The following GOLGA8S variants were observed in gnomAD, a reference collection of about 807,000 sequenced individuals.
GOLGA8S encodes the protein golgin A8 family member S, also known as golgin subfamily A member 8S.
GOLGA8S carries 23 observed loss-of-function variants against 58.9 expected under a neutral mutation model. The observed-to-expected ratio is 0.39, with a 90% CI of 0.28 to 0.55. The LOEUF is 0.55. Ranked by LOEUF, GOLGA8S falls within the 20% of genes least tolerant of loss-of-function variation. The pLI is 0.63. For synonymous variants in GOLGA8S, 84 were observed against 195.7 expected (o/e 0.43, Z 4.76); for missense variants, 266 against 514.2 (o/e 0.52, Z 4.67).
chr15:23,364,574 G>A (rs3826014), exon 17 of GOLGA8S: 142,362 of 1,355,696 alleles, frequency 0.11, 15,377 homozygotes, highest in Middle Eastern at 0.13. Flanking sequence ...CCAAAGATGC[G>A]GCACTGGGAG....
At position 23,361,170 on chromosome 15, in the gene GOLGA8S, T is replaced by C. The variant is rs1596016707; in HGVS notation, c.875-51T>C. 1.3e-5 allele frequency: 4 copies of C among 296,922 alleles called. 1 individual carries two copies. The highest frequency in any genetic ancestry group is 1.3e-4 in the East Asian group (1 of 7,458). 18.4% of individuals were successfully genotyped at this position (296,922 alleles called of 1,614,324 possible). A position where few individuals can be genotyped will look rare whatever the true frequency, so the allele number is the denominator to read the frequency against. ...TTTTCTTTTCTTTTCTTTTCTTTTC[T>C]TTTTTTTTTTTTGGAATCCAGAGGC... is the stretch of plus-strand genomic sequence containing the variant. On this transcript the variant is annotated intron_variant, in intron 11 of 18. Transcript: ENST00000562295.
At chr15:23,365,175 T>C, downstream of GOLGA8S, 1 of 1,576,726 alleles carries the variant, frequency 6.3e-7, no homozygotes. Context: ...AATTTTTAAA[T>C]AAGAAACCAA....
At chr15:23,367,744 C>T (rs952595518), downstream of GOLGA8S, among the ~76,000 whole-genome samples, 2 of 151,746 alleles carry the variant, frequency 1.3e-5, no homozygotes, top group Non-Finnish European at 2.9e-5. Context: ...GCTTAGAAGG[C>T]AACATTGGAA....
chr15:23,364,558 G>C (rs1263425952), exon 17 of GOLGA8S: 2 of 1,588,434 alleles, frequency 1.3e-6, no homozygotes, highest in Non-Finnish European at 8.6e-7. Flanking sequence ...GAACCAGGGG[G>C]CCGTGCCAAA....
exon 16 of GOLGA8S, chr15:23,364,407 T>C (rs749119407): frequency 2.5e-6 from 4 of 1,604,406 alleles, no homozygotes; most frequent in Non-Finnish European, 3.4e-6. Context: ...AAACAAGAAC[T>C]TCGCTTCATT....
intron 1 of GOLGA8S, among the ~76,000 whole-genome samples, chr15:23,356,205 C>A (rs1282827290): frequency 6.9e-6 from 1 of 145,282 alleles, no homozygotes; most frequent in Non-Finnish European, 1.6e-5. Context: ...TTGAGAGGTA[C>A]AGGTGCACTT....
chr15:23,358,284 C>A (rs1227318983), intron 4 of GOLGA8S, among the ~76,000 whole-genome samples, 188 bp from the exon 5 acceptor site: 4 of 152,274 alleles, frequency 2.6e-5, no homozygotes, highest in Non-Finnish European at 5.9e-5. Context: ...TGGCTGTGGG[C>A]AAAAGCCAAC....
chr15:23,358,294 C>A (rs2069720026), intron 4 of GOLGA8S, among the ~76,000 whole-genome samples, 178 bp from the exon 5 acceptor site: 1 of 152,416 alleles, frequency 6.6e-6, no homozygotes, highest in Non-Finnish European at 1.5e-5. Flanking sequence ...CAAAAGCCAA[C>A]AAAGACCCAA....
intron 13 of GOLGA8S, among the ~76,000 whole-genome samples, chr15:23,362,714 G>C (rs1315420790): frequency 7.0e-6 from 1 of 142,690 alleles, no homozygotes; most frequent in East Asian, 2.0e-4. Context: ...ACTTAGGCCT[G>C]AAGTAAGGGG....
intron 8 of GOLGA8S, among the ~76,000 whole-genome samples, chr15:23,359,455 T>C (rs1488092948): frequency 2.0e-5 from 3 of 146,590 alleles, no homozygotes; most frequent in African/African-American, 5.1e-5. Context: ...GCCATGCCTT[T>C]ACCTGGCTGT....
At chr15:23,358,033 G>T (rs2141021989) in intron 4 of GOLGA8S, among the ~76,000 whole-genome samples, 2 of 150,914 alleles carry the variant, frequency 1.3e-5, no homozygotes, top group Non-Finnish European at 3.0e-5. Flanking sequence ...TCTCGAGTCT[G>T]AGATTTAAAG....
intron 13 of GOLGA8S, among the ~76,000 whole-genome samples, chr15:23,362,029 GC>G (rs922212835): frequency 4.3e-5 from 6 of 140,322 alleles, no homozygotes; most frequent in African/African-American, 1.4e-4. Flanking sequence ...GAGACATGGA[GC>G]CCCCCCAATC....
chr15:23,360,625 C>A, intron 10 of GOLGA8S, 93 bp downstream of exon 10: 1 of 1,263,624 alleles, frequency 7.9e-7, no homozygotes, highest in East Asian at 2.3e-5. Flanking sequence ...CAGAGGTGGT[C>A]ATGGGACTGG....
At chr15:23,361,623 T>A in intron 12 of GOLGA8S, 101 bp from the exon 13 acceptor site, 1 of 613,678 alleles carries the variant, frequency 1.6e-6, no homozygotes. Context: ...GGATGATTTT[T>A]CTAACCTGCC....
chr15:23,367,788 A>C (rs1315721054), downstream of GOLGA8S, among the ~76,000 whole-genome samples: 5 of 152,052 alleles, frequency 3.3e-5, no homozygotes, highest in South Asian at 4.2e-4. Context: ...GAATTTTAAA[A>C]TGTGAGTTCC....
At chr15:23,361,977 GC>G (rs1350609143) in intron 13 of GOLGA8S, among the ~76,000 whole-genome samples, 185 bp downstream of exon 13, 1 of 144,714 alleles carries the variant, frequency 6.9e-6, no homozygotes, top group African/African-American at 2.6e-5. Context: ...GAGGTGGGTA[GC>G]CCTGGGCTCC....
At chr15:23,367,873 A>T (rs1347974790), downstream of GOLGA8S, among the ~76,000 whole-genome samples, 2 of 151,916 alleles carry the variant, frequency 1.3e-5, no homozygotes, top group African/African-American at 2.4e-5. Flanking sequence ...TAATCATTTT[A>T]AAAGTATTTG....
downstream of GOLGA8S, chr15:23,366,081 C>T (rs1172651984): frequency 2.6e-5 from 4 of 151,186 alleles, no homozygotes; most frequent in African/African-American, 9.7e-5. Flanking sequence ...AATCACATGA[C>T]TACATGTCCC....
In GOLGA8S at chr15:23,358,076, C is replaced by T. The variant is rs1308794937; in HGVS notation, c.310-396C>T. Among the ~76,000 whole-genome samples the T allele has an allele frequency of 5.3e-5, 8 of 151,258 alleles. No individual in the cohort carries two copies. In the East Asian group the frequency reaches 1.4e-3, roughly 26 times the overall value. On this transcript the variant is annotated intron_variant, in intron 4 of 18. Transcript: ENST00000562295. ...AGAATGGAAACCTCAGGGCCAAAGG[C>T]TCCTGTCTGTCCTTTTCCACCCTAA...
Sources: allele counts gnomAD v4.1 joint callset (sites outside exome capture counted in the v4.1 genomes callset), GRCh38; gene constraint gnomAD v4.1.1; transcripts MANE v1.5; gene names NCBI Gene and HGNC (gene_info 2026-07-23, HGNC 2026-07-21).